Variants in GPR137B observed in about 807,000 individuals in gnomAD.
GPR137B encodes G protein-coupled receptor 137B, also known as integral membrane protein GPR137B.
Under a neutral mutation model 42.5 loss-of-function variants are expected in GPR137B, and 42 were observed. The ratio of observed to expected loss-of-function variants is 0.99; its 90% confidence interval spans 0.77 to 1.28. The LOEUF (loss-of-function observed/expected upper bound fraction) is 1.28, where lower values mean the gene tolerates loss of function less well. Among genes scored for constraint, GPR137B ranks in the 50% most tolerant of loss-of-function variants. The pLI is 0.00. For synonymous variants in GPR137B, 218 were observed against 209.7 expected, an observed-to-expected ratio of 1.04 and a Z score of -0.34; for missense variants, 487 against 493.9, an observed-to-expected ratio of 0.99 and a Z score of 0.13.
chr1:236,202,701 A>C (rs1182116971), intron 5 of GPR137B, among the ~76,000 whole-genome samples: 2 of 152,204 alleles, frequency 1.3e-5, no homozygotes, highest in East Asian at 3.8e-4. Flanking sequence ...TCACTTCTTC[A>C]GGAAACAAAT....
chr1:236,156,635 G>A lies in GPR137B; in HGVS notation c.415-12071G>A, dbSNP rs150794177. On this transcript the variant is annotated intron_variant, in intron 1 of 6. Coordinates refer to ENST00000366592, the MANE Select transcript of GPR137B (RefSeq NM_003272.4). The surrounding 1 kb of genome is among the most constrained non-coding windows in gnomAD (Gnocchi z 4.8). The stretch of plus-strand genomic sequence containing the variant: ...CGCAGAGCCGCCTTGTGTGTCTTCC[G>A]GGAACCCTGCAGAAAGGAGAACTCC... Among the ~76,000 whole-genome samples, 1 of 152,292 alleles carries A rather than the reference G, an allele frequency of 6.6e-6. No homozygotes were observed. The highest frequency in any genetic ancestry group is 1.5e-5 in the Non-Finnish European group (1 of 68,020).
intron 1 of GPR137B, among the ~76,000 whole-genome samples, chr1:236,146,652 C>A (rs773911137): frequency 6.6e-6 from 1 of 152,216 alleles, no homozygotes; most frequent in Non-Finnish European, 1.5e-5. Flanking sequence ...TGCTGCAGTA[C>A]GCAGCCCCGG....
intron 1 of GPR137B, among the ~76,000 whole-genome samples, chr1:236,152,003 C>T (rs992530874): frequency 3.9e-5 from 6 of 152,204 alleles, no homozygotes; most frequent in East Asian, 3.9e-4. Flanking sequence ...CTTGGCGTGC[C>T]GTGAGCCTGG....
intron 5 of GPR137B, among the ~76,000 whole-genome samples, chr1:236,191,627 C>A (rs1429021256): frequency 6.6e-6 from 1 of 152,158 alleles, no homozygotes; most frequent in Non-Finnish European, 1.5e-5. Context: ...CACTCCAGAC[C>A]CTGTTTGCCT....
At chr1:236,172,687 CTT>C (rs1016400106) in intron 2 of GPR137B, among the ~76,000 whole-genome samples, 37 of 134,708 alleles carry the variant, frequency 2.7e-4, no homozygotes, top group South Asian at 4.8e-4. Flanking sequence ...CCAGGTTTTC[CTT>C]TTTTTTTTTT....
chr1:236,161,787 T>C (rs1007355711), intron 1 of GPR137B, among the ~76,000 whole-genome samples: 2 of 152,144 alleles, frequency 1.3e-5, no homozygotes, highest in African/African-American at 4.8e-5. Context: ...ATGTAAGAAA[T>C]GCCTTTTGCC....
intron 2 of GPR137B, among the ~76,000 whole-genome samples, chr1:236,169,161 C>T (rs1045437927): frequency 5.4e-5 from 8 of 147,092 alleles, no homozygotes; most frequent in African/African-American, 2.1e-4. Context: ...CCCGCACCTC[C>T]CATGCTCCCA....
At chr1:236,151,141 G>A (rs1434282709) in intron 1 of GPR137B, among the ~76,000 whole-genome samples, 2 of 152,184 alleles carry the variant, frequency 1.3e-5, no homozygotes, top group Admixed American at 1.3e-4. Flanking sequence ...AGGTCTGTCT[G>A]GGTCCTGACA....
At chr1:236,184,745 G>A (rs12075701) in intron 5 of GPR137B, among the ~76,000 whole-genome samples, 1 of 151,582 alleles carries the variant, frequency 6.6e-6, no homozygotes, top group Non-Finnish European at 1.5e-5. Context: ...GTCAATGGTG[G>A]TTTTTTTTGT....
At chr1:236,187,731 AG>A (rs1663074923) in intron 5 of GPR137B, among the ~76,000 whole-genome samples, 8 of 134,596 alleles carry the variant, frequency 5.9e-5, no homozygotes, top group East Asian at 3.1e-4. Flanking sequence ...TGGTTACTGT[AG>A]CCTTGTAGCA....
At chr1:236,146,965 C>T (rs1383287219) in intron 1 of GPR137B, among the ~76,000 whole-genome samples, 3 of 152,156 alleles carry the variant, frequency 2.0e-5, no homozygotes, top group South Asian at 2.1e-4. Flanking sequence ...TGCGCCACCA[C>T]GCCTGGCTAA....
At chr1:236,184,121 C>T (rs751076005) in intron 5 of GPR137B, among the ~76,000 whole-genome samples, 6 of 152,060 alleles carry the variant, frequency 3.9e-5, no homozygotes, top group Non-Finnish European at 8.8e-5. Flanking sequence ...AGAAATGAAA[C>T]TATTATAAGT....
At chr1:236,169,347 G>C (rs531852019) in intron 2 of GPR137B, among the ~76,000 whole-genome samples, 3 of 152,192 alleles carry the variant, frequency 2.0e-5, no homozygotes, top group Non-Finnish European at 2.9e-5. Context: ...TTGTTTTCCA[G>C]AACTTCAGTG....
chr1:236,196,091 C>T (rs967234050), intron 5 of GPR137B, among the ~76,000 whole-genome samples: 1 of 151,918 alleles, frequency 6.6e-6, no homozygotes, highest in Admixed American at 6.6e-5. Flanking sequence ...CCTATTTTTC[C>T]ATTTTGCTTT....
At position 236,208,866 on chromosome 1, in the gene GPR137B, G is replaced by A. The variant is rs1663745961; in HGVS notation, c.*708G>A. The A allele has an allele frequency of 2.0e-6, 2 of 983,698 alleles. No individual in the cohort carries two copies. Among genetic ancestry groups the A allele is most frequent in the South Asian group, 4.7e-5 (1 of 21,242 alleles). The allele number at this position is 983,698 out of a possible 1,614,324, so 60.9% of individuals were successfully genotyped here. ...ATGATAAGTTGATAACATTAAAAAT[G>A]TAGCTGACTTATCCTATTAAACCTC... On this transcript the variant is annotated 3_prime_UTR_variant, in exon 7 of 7. Transcript: ENST00000366592.
At chr1:236,164,315 A>T (rs187809861) in intron 1 of GPR137B, among the ~76,000 whole-genome samples, 19 of 152,258 alleles carry the variant, frequency 1.2e-4, no homozygotes, top group Non-Finnish European at 2.1e-4. Flanking sequence ...TTAGCCTCTC[A>T]TAGGGGTCAC....
At chr1:236,200,347 G>T (rs1264381528) in intron 5 of GPR137B, among the ~76,000 whole-genome samples, 1 of 152,052 alleles carries the variant, frequency 6.6e-6, no homozygotes, top group Non-Finnish European at 1.5e-5. Context: ...AGAATGTTCT[G>T]TAAGTATCTG....
chr1:236,183,555 A>G (rs917984174), intron 4 of GPR137B, among the ~76,000 whole-genome samples: 10 of 152,174 alleles, frequency 6.6e-5, no homozygotes, highest in African/African-American at 2.2e-4. Flanking sequence ...GACCATTACT[A>G]TTATCTGATT....
chr1:236,150,495 C>T lies in GPR137B; in HGVS notation c.414+7459C>T, dbSNP rs374579789. Among the ~76,000 whole-genome samples, 2 of 152,218 alleles carry T rather than the reference C, an allele frequency of 1.3e-5. No homozygotes were observed. The highest frequency in any genetic ancestry group is 4.8e-5 in the African/African-American group (2 of 41,450). On this transcript the variant is annotated intron_variant, in intron 1 of 6. Transcript: ENST00000366592. This position sits in a 1 kb window ranked among gnomAD's most constrained non-coding sequence, Gnocchi z 6.2. Reference sequence around the variant, plus strand: ...CTCTCTGCAGCTGAGGCTGTGACCGCATCAGTGCCTCGGTGATGCCCTGCC... The same window carrying T: ...CTCTCTGCAGCTGAGGCTGTGACCGTATCAGTGCCTCGGTGATGCCCTGCC...
Sources: gnomAD v4.1 joint callset for allele counts (sites outside exome capture counted in the v4.1 genomes callset) on GRCh38, gnomAD v4.1.1 for gene constraint, Gnocchi (gnomAD v3.1) non-coding constraint, MANE v1.5 for transcripts, NCBI Gene and HGNC (gene_info 2026-07-23, HGNC 2026-07-21) for gene names.